Variants in CSMD2 observed in about 807,000 individuals in gnomAD.
The protein encoded by CSMD2 is CUB and sushi domain-containing protein 2.
Under a neutral mutation model 398.5 loss-of-function variants are expected in CSMD2, and 130 were observed. The observed-to-expected ratio is 0.33, with a 90% CI of 0.28 to 0.38. The LOEUF is 0.38. Among genes scored for constraint, CSMD2 ranks in the 10% least tolerant of loss-of-function variants. The pLI is 1.00. For synonymous variants in CSMD2, 1,828 were observed against 1,908.5 expected (o/e 0.96, Z 1.10); for missense variants, 3,829 against 4,764.9 (o/e 0.80, Z 5.78).
At chr1:34,124,560 C>T (rs751087186) in intron 1 of CSMD2, among the ~76,000 whole-genome samples, 12 of 152,128 alleles carry the variant, frequency 7.9e-5, no homozygotes, top group Non-Finnish European at 1.3e-4. Flanking sequence ...CTTGTTTTCT[C>T]CCCATTTGTC....
chr1:33,991,102 T>C (rs983102080), intron 3 of CSMD2, among the ~76,000 whole-genome samples: 2 of 151,834 alleles, frequency 1.3e-5, no homozygotes, highest in Admixed American at 1.3e-4. Context: ...CACTGCAGCC[T>C]AGAACTCCTG....
At chr1:33,538,439 T>C (rs1429409502) in intron 60 of CSMD2, among the ~76,000 whole-genome samples, 2 of 152,234 alleles carry the variant, frequency 1.3e-5, no homozygotes, top group African/African-American at 2.4e-5. Context: ...ACTTCAAGCA[T>C]TGCTTTATGC....
At position 33,546,143 on chromosome 1, in the gene CSMD2, G is replaced by T; in HGVS notation, c.8994C>A (p.Gly2998=). Residue 2998 remains glycine, a synonymous_variant, in exon 57 of 71, where the codon GGC becomes GGA. Coordinates refer to ENST00000373381, the MANE Select transcript of CSMD2 (RefSeq NM_001281956.2). The part of the protein sequence containing the change: ...GIRLGDSFDP[G]TVMRFSCEAG... ...CTTCACAGCTGAAGCGCATCACAGTGCCTGGATCAAAGCTGTCCCCCAAAC... is the reference window on the plus strand; with the variant it reads ...CTTCACAGCTGAAGCGCATCACAGTTCCTGGATCAAAGCTGTCCCCCAAAC... The T allele has an allele frequency of 6.2e-7, 1 of 1,614,198 alleles. No homozygotes were observed. The highest frequency in any genetic ancestry group is 1.3e-5 in the African/African-American group (1 of 75,058).
chr1:33,669,847 C>T (rs1199271913), intron 25 of CSMD2, among the ~76,000 whole-genome samples: 1 of 151,976 alleles, frequency 6.6e-6, no homozygotes, highest in African/African-American at 2.4e-5. Flanking sequence ...GGGAAGGAGA[C>T]CATGTGATGG....
chr1:33,855,902 T>C (rs1475299141), intron 5 of CSMD2, among the ~76,000 whole-genome samples: 1 of 152,226 alleles, frequency 6.6e-6, no homozygotes, highest in Non-Finnish European at 1.5e-5. Flanking sequence ...CCTGTCTTGT[T>C]CCTCACAGAA....
chr1:34,120,794 C>T (rs1379902102), intron 1 of CSMD2, among the ~76,000 whole-genome samples: 1 of 152,158 alleles, frequency 6.6e-6, no homozygotes, highest in Non-Finnish European at 1.5e-5. Flanking sequence ...ATCTGCCCAC[C>T]TCAGCCTCCC....
chr1:33,819,743 C>A lies in CSMD2; in HGVS notation c.1294G>T (p.Ala432Ser), dbSNP rs747573655. The change falls in exon 9 of 71, where the codon GCC becomes TCC. Residue 432 changes from alanine (A) to serine (S), a missense_variant. Coordinates refer to ENST00000373381, the MANE Select transcript of CSMD2 (RefSeq NM_001281956.2). ...CAGACTGGCCTGTGGTCGCTCCAGG[C>A]CGCAAACATGTCGCTCACTTTCATA... ...TCMKVSDMFA[A>S]WSDHRPVCRA... 1 of 1,613,772 alleles carries A rather than the reference C, an allele frequency of 6.2e-7. No homozygotes were observed. Among genetic ancestry groups the A allele is most frequent in the African/African-American group, 1.3e-5 (1 of 74,900 alleles).
intron 3 of CSMD2, among the ~76,000 whole-genome samples, chr1:33,987,412 T>C (rs1481215650): frequency 6.6e-6 from 1 of 152,170 alleles, no homozygotes; most frequent in Non-Finnish European, 1.5e-5. Context: ...TAGAGTTGAG[T>C]TGACTTGCCC....
At chr1:33,937,582 A>G (rs1644519283) in intron 3 of CSMD2, among the ~76,000 whole-genome samples, 1 of 152,190 alleles carries the variant, frequency 6.6e-6, no homozygotes, top group Non-Finnish European at 1.5e-5. Context: ...ATGATCTCAG[A>G]ACCCTCTGAA....
At chr1:34,027,286 T>C (rs1031114308) in intron 3 of CSMD2, among the ~76,000 whole-genome samples, 8 of 152,154 alleles carry the variant, frequency 5.3e-5, no homozygotes, top group Admixed American at 5.2e-4. Flanking sequence ...TGCTTCACCT[T>C]ACCTACAATC....
At chr1:33,561,426 A>G (rs1281755173) in intron 53 of CSMD2, among the ~76,000 whole-genome samples, 14 of 152,234 alleles carry the variant, frequency 9.2e-5, no homozygotes, top group African/African-American at 3.1e-4. Context: ...GCAAAGTAAG[A>G]ATTTTGATAT....
chr1:34,116,324 C>T (rs1661593975), intron 1 of CSMD2, among the ~76,000 whole-genome samples: 1 of 151,404 alleles, frequency 6.6e-6, no homozygotes, highest in African/African-American at 2.4e-5. Flanking sequence ...AAATGGTAAC[C>T]AAAGACAGCA....
intron 13 of CSMD2, among the ~76,000 whole-genome samples, chr1:33,769,818 G>C (rs547115407): frequency 6.6e-6 from 1 of 152,214 alleles, no homozygotes; most frequent in South Asian, 2.1e-4. Context: ...AATAAGGAAA[G>C]GGCAATGTTA....
chr1:33,819,519 C>G (rs576915075), intron 9 of CSMD2, among the ~76,000 whole-genome samples, 194 bp downstream of exon 9: 1 of 152,318 alleles, frequency 6.6e-6, no homozygotes, highest in Admixed American at 6.5e-5. Context: ...CTCTGTATCT[C>G]CTGATCCTAG....
chr1:33,954,967 G>A (rs1428935896), intron 3 of CSMD2, among the ~76,000 whole-genome samples: 6 of 152,142 alleles, frequency 3.9e-5, no homozygotes, highest in African/African-American at 1.2e-4. Context: ...AAGATAATGA[G>A]TGGTGTTATG....
chr1:33,525,698 C>T (rs1180227732), intron 65 of CSMD2, among the ~76,000 whole-genome samples: 2 of 152,004 alleles, frequency 1.3e-5, no homozygotes, highest in African/African-American at 2.4e-5. Flanking sequence ...GTAGTTTTTT[C>T]GTTGAGATGG....
At position 33,541,157 on chromosome 1, in the gene CSMD2, A is replaced by G. The variant is rs145850127; in HGVS notation, c.9430T>C (p.Trp3144Arg). 6.2e-7 allele frequency: 1 copy of G among 1,613,984 alleles called. No individual in the cohort carries two copies. Among genetic ancestry groups the G allele is most frequent in the African/African-American group, 1.3e-5 (1 of 74,970 alleles). The change falls in exon 59 of 71, where the codon TGG (tryptophan) becomes CGG (arginine). Residue 3144 changes from tryptophan to arginine, a missense_variant. Trp to Arg is a moderately radical substitution (Grantham distance 101). This residue lies in a region of CSMD2 where 917 missense variants were observed against 1,199.5 expected (regional missense o/e 0.76). Transcript: ENST00000373381. Reference protein sequence around the residue: ...SVLSCTKDRTWNGTKPVCKAL... With the variant: ...SVLSCTKDRTRNGTKPVCKAL... ...TTGCAGACGGGCTTGGTTCCATTCC[A>G]TGTCCGGTCCTTGGTGCAGCTCAGC...
At chr1:33,656,754 C>A (rs1188878525) in intron 27 of CSMD2, among the ~76,000 whole-genome samples, 4 of 152,244 alleles carry the variant, frequency 2.6e-5, no homozygotes, top group African/African-American at 4.8e-5. Context: ...TGATTTGGGA[C>A]AAGATATCCA....
At chr1:33,876,233 G>A (rs1041166991) in intron 5 of CSMD2, among the ~76,000 whole-genome samples, 1 of 152,198 alleles carries the variant, frequency 6.6e-6, no homozygotes, top group East Asian at 1.9e-4. Flanking sequence ...GGAACTAAAG[G>A]GGAGAGTTTG....
Sources: gnomAD v4.1 joint callset for allele counts (sites outside exome capture counted in the v4.1 genomes callset) on GRCh38, gnomAD v4.1.1 for gene constraint, gnomAD v4.1.1 regional missense constraint, MANE v1.5 for transcripts, NCBI Gene and HGNC (gene_info 2026-07-23, HGNC 2026-07-21) for gene names.